DAG1: variants seen among roughly 807,000 people sequenced by gnomAD.
DAG1 encodes the protein dystroglycan 1 (dystrophin-associated glycoprotein 1).
In DAG1, 8 loss-of-function variants were observed where a neutral mutation model predicts 46.1. That is an observed-to-expected ratio of 0.17 (90% CI 0.10 to 0.31). The LOEUF is 0.31. Ranked by LOEUF, DAG1 falls within the 10% of genes least tolerant of loss-of-function variation. The probability of loss-of-function intolerance (pLI) is 1.00; values close to 1 mark genes in which losing one functional copy is unlikely to be tolerated. For synonymous variants in DAG1, 495 were observed against 481.8 expected, an observed-to-expected ratio of 1.03 and a Z score of -0.36; for missense variants, 1,003 against 1,189.9, an observed-to-expected ratio of 0.84 and a Z score of 2.31.
chr3:49,486,576 C>T (rs2050034558), intron 1 of DAG1, among the ~76,000 whole-genome samples: 1 of 151,834 alleles, frequency 6.6e-6, no homozygotes, highest in Admixed American at 6.6e-5. Flanking sequence ...GATCTCGGCT[C>T]ACTGCAAGCT....
chr3:49,519,721 A>G (rs1196392256), intron 2 of DAG1, among the ~76,000 whole-genome samples: 1 of 152,198 alleles, frequency 6.6e-6, no homozygotes, highest in African/African-American at 2.4e-5. Context: ...TAGTGAAAAT[A>G]TAGGCTTCTA....
At chr3:49,506,535 C>G (rs181370671) in intron 1 of DAG1, among the ~76,000 whole-genome samples, 1 of 152,090 alleles carries the variant, frequency 6.6e-6, no homozygotes, top group Admixed American at 6.6e-5. Context: ...CAGACACTTT[C>G]TCTGCATCAA....
At chr3:49,504,115 C>T (rs1214038435) in intron 1 of DAG1, among the ~76,000 whole-genome samples, 1 of 152,114 alleles carries the variant, frequency 6.6e-6, no homozygotes, top group Non-Finnish European at 1.5e-5. Context: ...TTTATGTTGT[C>T]CTTTTATAGC....
intron 2 of DAG1, among the ~76,000 whole-genome samples, chr3:49,527,562 G>C (rs1367672774): frequency 6.6e-6 from 1 of 151,596 alleles, no homozygotes; most frequent in Non-Finnish European, 1.5e-5. Flanking sequence ...AATTAGCCAG[G>C]CGTGGTGGCG....
intron 2 of DAG1, among the ~76,000 whole-genome samples, chr3:49,524,286 A>G (rs1300118960): frequency 1.3e-5 from 2 of 152,294 alleles, no homozygotes; most frequent in South Asian, 4.1e-4. Flanking sequence ...GCTTTCCCCA[A>G]ATGGCCTTGA....
chr3:49,531,874 A>G lies in DAG1; in HGVS notation c.1363A>G (p.Thr455Ala). 6.2e-7 allele frequency: 1 copy of G among 1,613,982 alleles called. No homozygotes were observed. The highest frequency in any genetic ancestry group is 8.5e-7 in the Non-Finnish European group (1 of 1,179,998). The change falls in exon 3 of 3, where the codon ACA becomes GCA. Residue 455 changes from threonine to alanine, a missense_variant. Physicochemically the swap from Thr to Ala is moderately conservative, Grantham distance 58. Around this residue, in one of 3 missense-constraint regions of DAG1, gnomAD observed 755 missense variants for 854.1 expected, o/e 0.88. Transcript: ENST00000308775. This position sits in a 1 kb window ranked among gnomAD's most constrained non-coding sequence, Gnocchi z 7.0. ...TCGCAGGCCAACCAAGAAACCACGG[A>G]CACCCCGGCCAGTGCCCCGGGTCAC... is the stretch of plus-strand genomic sequence containing the variant. ...TTRRPTKKPR[T>A]PRPVPRVTTK...
At chr3:49,497,297 C>T (rs146371352) in intron 1 of DAG1, among the ~76,000 whole-genome samples, 5 of 152,044 alleles carry the variant, frequency 3.3e-5, no homozygotes, top group East Asian at 1.9e-4. Context: ...ATTAGCTGGA[C>T]GTCATAGTGG....
At chr3:49,479,421 T>C (rs1044747102) in intron 1 of DAG1, among the ~76,000 whole-genome samples, 1 of 150,862 alleles carries the variant, frequency 6.6e-6, no homozygotes, top group African/African-American at 2.4e-5. Context: ...GTGATTCTCC[T>C]ATCTCAGCCT....
intron 1 of DAG1, among the ~76,000 whole-genome samples, chr3:49,483,643 AC>A (rs1334976400): frequency 2.0e-5 from 3 of 151,724 alleles, no homozygotes; most frequent in Non-Finnish European, 4.4e-5. Flanking sequence ...AGTAAGTTCT[AC>A]CTCTTATGTG....
At chr3:49,494,484 C>A (rs542177327) in intron 1 of DAG1, among the ~76,000 whole-genome samples, 1 of 152,218 alleles carries the variant, frequency 6.6e-6, no homozygotes, top group East Asian at 1.9e-4. Flanking sequence ...AAATTTAATT[C>A]ATCATTGCTA....
chr3:49,510,186 T>G (rs1189456479), intron 1 of DAG1: 10 of 491,526 alleles, frequency 2.0e-5, no homozygotes, highest in Non-Finnish European at 3.2e-5. Context: ...CATTTTACAT[T>G]CATTTTTTAT....
intron 1 of DAG1, among the ~76,000 whole-genome samples, chr3:49,499,191 A>G (rs1470004644): frequency 2.6e-5 from 4 of 152,148 alleles, no homozygotes; most frequent in African/African-American, 9.7e-5. Context: ...TATTCTTGGG[A>G]AGCAAAAACT....
At chr3:49,518,840 C>G (rs1488776222) in intron 2 of DAG1, among the ~76,000 whole-genome samples, 2 of 152,222 alleles carry the variant, frequency 1.3e-5, no homozygotes, top group Non-Finnish European at 2.9e-5. Context: ...TTTTGAGAGA[C>G]CTGTGCCATG....
At chr3:49,501,858 C>T (rs2050462244) in intron 1 of DAG1, among the ~76,000 whole-genome samples, 1 of 151,446 alleles carries the variant, frequency 6.6e-6, no homozygotes, top group African/African-American at 2.4e-5. Context: ...AGGAAAAGGC[C>T]AGTAAAGAAA....
chr3:49,527,741 G>C (rs2051223798), intron 2 of DAG1, among the ~76,000 whole-genome samples: 1 of 151,956 alleles, frequency 6.6e-6, no homozygotes, highest in Non-Finnish European at 1.5e-5. Flanking sequence ...AGACAGACTT[G>C]GAGAGGCAAC....
intron 2 of DAG1, among the ~76,000 whole-genome samples, chr3:49,516,124 C>T (rs1480404836): frequency 2.0e-5 from 3 of 152,190 alleles, no homozygotes; most frequent in African/African-American, 7.2e-5. Flanking sequence ...ACTTGGACAT[C>T]ATCTGTTGGA....
At position 49,534,760 on chromosome 3, in the gene DAG1, T is replaced by C. The variant is rs2051463859; in HGVS notation, c.*1561T>C. ...ATTCTCCTCCTGTGGAAGAAACCAT[T>C]TTGAGCATGACTTTTCTTGATGTCT... On this transcript the variant is annotated 3_prime_UTR_variant, in exon 3 of 3. Coordinates refer to ENST00000308775, the MANE Select transcript of DAG1 (RefSeq NM_004393.6). 6.6e-6 allele frequency: 1 copy of C among 152,632 alleles called. No homozygotes were observed. The highest frequency in any genetic ancestry group is 2.1e-4 in the South Asian group (1 of 4,830). 9.5% of individuals were successfully genotyped at this position (152,632 alleles called of 1,614,324 possible).
chr3:49,491,591 C>T (rs1474722808), intron 1 of DAG1, among the ~76,000 whole-genome samples: 1 of 151,914 alleles, frequency 6.6e-6, no homozygotes, highest in East Asian at 2.0e-4. Context: ...ATTCTCCTGC[C>T]TCAGCCTCCC....
chr3:49,509,918 G>T (rs954302292), intron 1 of DAG1, among the ~76,000 whole-genome samples: 9 of 151,912 alleles, frequency 5.9e-5, no homozygotes, highest in African/African-American at 2.2e-4. Flanking sequence ...TAGTAGAGAT[G>T]GGATTTTACC....
Sources: allele counts gnomAD v4.1 joint callset (sites outside exome capture counted in the v4.1 genomes callset), GRCh38; gene constraint gnomAD v4.1.1; regional missense constraint gnomAD v4.1.1; non-coding constraint Gnocchi (gnomAD v3.1); transcripts MANE v1.5; gene names NCBI Gene and HGNC (gene_info 2026-07-23, HGNC 2026-07-21).